OR51E2: variants seen among roughly 807,000 people sequenced by gnomAD.
The protein encoded by OR51E2 is olfactory receptor family 51 subfamily E member 2.
A neutral mutation model predicts 13.7 loss-of-function variants in OR51E2; 14 were observed. The observed-to-expected ratio is 1.02, with a 90% CI of 0.68 to 1.60. OR51E2 has a LOEUF of 1.60. Among genes scored for constraint, OR51E2 ranks in the 40% most tolerant of loss-of-function variants. The probability of loss-of-function intolerance (pLI) is 0.00; values close to 1 mark genes in which losing one functional copy is unlikely to be tolerated. For synonymous variants in OR51E2, 180 were observed against 157.6 expected (o/e 1.14, Z -1.07); for missense variants, 483 against 413.8 (o/e 1.17, Z -1.45).
Position 4,694,476 on chromosome 11 carries a change from A to G in OR51E2, c.-51+3177T>C, listed in dbSNP as rs193153047. Reference sequence around the variant, plus strand: ...CAGTTCAAACTGAACTAAACTATACATATATATACGTGTATATATATATAT... The same window carrying G: ...CAGTTCAAACTGAACTAAACTATACGTATATATACGTGTATATATATATAT... On this transcript the variant is annotated intron_variant, in intron 1 of 1. Transcript: ENST00000396950. Among the ~76,000 whole-genome samples, 948 of 143,226 alleles carry G rather than the reference A, an allele frequency of 6.6e-3. 11 individuals are homozygous for G. Among genetic ancestry groups the G allele is most frequent in the African/African-American group, 0.023 (899 of 39,442 alleles). 94.0% of individuals were successfully genotyped at this position (143,226 alleles called of 152,430 possible). A position where few individuals can be genotyped will look rare whatever the true frequency, so the allele number is the denominator to read the frequency against.
intron 1 of OR51E2, among the ~76,000 whole-genome samples, chr11:4,692,874 G>T (rs1847603722): frequency 6.6e-6 from 1 of 151,236 alleles, no homozygotes; most frequent in African/African-American, 2.4e-5. Flanking sequence ...GGGGGTGGGG[G>T]TGTGATTTAA....
chr11:4,695,174 C>A (rs1032794444), intron 1 of OR51E2, among the ~76,000 whole-genome samples: 1 of 152,152 alleles, frequency 6.6e-6, no homozygotes, highest in Non-Finnish European at 1.5e-5. Context: ...GCATCAAGAG[C>A]CAGACATTTC....
At chr11:4,693,447 C>T (rs928091043) in intron 1 of OR51E2, among the ~76,000 whole-genome samples, 1 of 152,290 alleles carries the variant, frequency 6.6e-6, no homozygotes, top group Middle Eastern at 3.4e-3. Flanking sequence ...GCAGGCTGGG[C>T]GCGGTGGCTC....
intron 1 of OR51E2, chr11:4,691,772 C>T (rs758615196): frequency 3.8e-5 from 12 of 317,236 alleles, no homozygotes; most frequent in African/African-American, 1.9e-4. Flanking sequence ...GTGTATTGAT[C>T]GAATTAAAAT....
intron 1 of OR51E2, among the ~76,000 whole-genome samples, chr11:4,696,993 C>T (rs990607982): frequency 7.2e-5 from 11 of 152,178 alleles, no homozygotes; most frequent in East Asian, 3.8e-4. Flanking sequence ...TTACTGGACA[C>T]GTGTTCTGTG....
chr11:4,692,058 TG>T, intron 1 of OR51E2: 1 of 375,312 alleles, frequency 2.7e-6, no homozygotes, highest in Non-Finnish European at 5.3e-6. Flanking sequence ...TCATTCTTTA[TG>T]GCATGTTTAA....
At chr11:4,691,562 G>A (rs1376233599) in intron 1 of OR51E2, 1 of 456,986 alleles carries the variant, frequency 2.2e-6, no homozygotes, top group East Asian at 6.9e-5. Flanking sequence ...TAGCGAAGAG[G>A]ATCAGGCTGT....
At chr11:4,688,210 T>C (rs866918978) in intron 1 of OR51E2, among the ~76,000 whole-genome samples, 11 of 152,052 alleles carry the variant, frequency 7.2e-5, no homozygotes, top group Non-Finnish European at 1.3e-4. Flanking sequence ...ATAAGGCAGA[T>C]AAAGATGAGA....
Position 4,681,626 on chromosome 11 carries a change from T to G in OR51E2, c.*123A>C, listed in dbSNP as rs1036633579. 1 of 1,025,714 alleles carries G rather than the reference T, an allele frequency of 9.7e-7. No individual in the cohort carries two copies. The highest frequency in any genetic ancestry group is 1.5e-6 in the Non-Finnish European group (1 of 685,718). 63.5% of individuals were successfully genotyped at this position (1,025,714 alleles called of 1,614,324 possible). A position where few individuals can be genotyped will look rare whatever the true frequency, so the allele number is the denominator to read the frequency against. On this transcript the variant is annotated 3_prime_UTR_variant, in exon 2 of 2. Coordinates refer to ENST00000396950, the MANE Select transcript of OR51E2 (RefSeq NM_030774.4). ...TCCTTTAGGTAGATGTACCATACTT[T>G]AGTTTACTATTCCAGCCAGAGAAAA...
At chr11:4,696,674 A>T (rs1484546247) in intron 1 of OR51E2, among the ~76,000 whole-genome samples, 1 of 152,134 alleles carries the variant, frequency 6.6e-6, no homozygotes, top group Admixed American at 6.6e-5. Context: ...TTTCCGACCC[A>T]TCCTCTCCAA....
chr11:4,692,392 A>C (rs1484044853), intron 1 of OR51E2, among the ~76,000 whole-genome samples: 1 of 152,194 alleles, frequency 6.6e-6, no homozygotes, highest in African/African-American at 2.4e-5. Flanking sequence ...CCCCCACCTG[A>C]TATAATGTGC....
intron 1 of OR51E2, among the ~76,000 whole-genome samples, chr11:4,694,903 G>A (rs1403182207): frequency 6.6e-6 from 1 of 152,132 alleles, no homozygotes; most frequent in Non-Finnish European, 1.5e-5. Context: ...ACTGTGTGAA[G>A]TTTTGATGGG....
intron 1 of OR51E2, chr11:4,690,798 C>T (rs534284370): frequency 1.4e-4 from 61 of 430,714 alleles, no homozygotes; most frequent in Non-Finnish European, 2.5e-4. Context: ...CACAGCTCTA[C>T]GTATCTGTTT....
At position 4,682,152 on chromosome 11, in the gene OR51E2, G is replaced by T. The variant is rs773992553; in HGVS notation, c.560C>A (p.Ala187Asp). Residue 187 changes from alanine to aspartate, a missense_variant, in exon 2 of 2, where the codon GCC (alanine) becomes GAC (aspartate). By Grantham distance (126) the Ala-to-Asp change is moderately radical (BLOSUM62 -2). Transcript: ENST00000396950. ...YCVHQDVMKL[A>D]YADTLPNVVY... ...CACATTGGGCAAAGTGTCTGCATAGGCCAACTTCATTACATCCTGGTGGAC... is the reference window on the plus strand; with the variant it reads ...CACATTGGGCAAAGTGTCTGCATAGTCCAACTTCATTACATCCTGGTGGAC... 6.2e-7 allele frequency: 1 copy of T among 1,614,220 alleles called. No homozygotes were observed. Among genetic ancestry groups the T allele is most frequent in the Non-Finnish European group, 8.5e-7 (1 of 1,180,030 alleles).
At chr11:4,691,727 A>G (rs1018919374) in intron 1 of OR51E2, 5 of 347,504 alleles carry the variant, frequency 1.4e-5, no homozygotes, top group South Asian at 2.3e-5. Flanking sequence ...ACAGAACGAG[A>G]TGAGAGCTTA....
intron 1 of OR51E2, among the ~76,000 whole-genome samples, chr11:4,683,948 G>A (rs995696938): frequency 2.0e-5 from 3 of 152,210 alleles, no homozygotes; most frequent in African/African-American, 7.2e-5. Flanking sequence ...CATTGAAACA[G>A]GTTAGCTTGC....
At chr11:4,692,893 A>C (rs1389015693) in intron 1 of OR51E2, among the ~76,000 whole-genome samples, 1 of 152,140 alleles carries the variant, frequency 6.6e-6, no homozygotes, top group African/African-American at 2.4e-5. Flanking sequence ...AACTAAAATT[A>C]ACAGAAAACT....
intron 1 of OR51E2, among the ~76,000 whole-genome samples, chr11:4,690,225 A>G (rs920056207): frequency 6.6e-6 from 1 of 151,908 alleles, no homozygotes; most frequent in Non-Finnish European, 1.5e-5. Flanking sequence ...TCATGCCTCA[A>G]TTTTCTTATT....
intron 1 of OR51E2, among the ~76,000 whole-genome samples, chr11:4,693,321 T>G (rs764612043): frequency 6.6e-6 from 1 of 152,176 alleles, no homozygotes; most frequent in Non-Finnish European, 1.5e-5. Flanking sequence ...TCAGTAGGTT[T>G]GTAGTATTTG....
Sources: gnomAD v4.1 joint callset for allele counts (sites outside exome capture counted in the v4.1 genomes callset) on GRCh38, gnomAD v4.1.1 for gene constraint, MANE v1.5 for transcripts, NCBI Gene and HGNC (gene_info 2026-07-23, HGNC 2026-07-21) for gene names.